FNTB: variants seen among roughly 807,000 people sequenced by gnomAD.
The protein encoded by FNTB is protein farnesyltransferase subunit beta.
FNTB carries 27 observed loss-of-function variants against 59.4 expected under a neutral mutation model. The observed-to-expected ratio is 0.45, with a 90% CI of 0.34 to 0.63. The LOEUF (loss-of-function observed/expected upper bound fraction) is 0.63. FNTB is among the 20% of genes least tolerant of loss of function. FNTB has a pLI of 0.02. For missense variants in FNTB, 449 were observed against 559.6 expected, an observed-to-expected ratio of 0.80 and a Z score of 1.99; for synonymous variants, 230 against 220.7, an observed-to-expected ratio of 1.04 and a Z score of -0.37.
intron 4 of FNTB, among the ~76,000 whole-genome samples, chr14:65,020,344 C>A (rs1313264650): frequency 6.6e-6 from 1 of 152,222 alleles, no homozygotes; most frequent in Non-Finnish European, 1.5e-5. Flanking sequence ...ATCTCCTGGG[C>A]TCAATTGATC....
Position 65,011,276 on chromosome 14 carries a change from A to C in FNTB, c.210-1041A>C, listed in dbSNP as rs1299278442. ...AACCCCCGTCTCCACTAAAAATACA[A>C]AAATTAGCTGGGTGTGGTGGCACGT... On this transcript the variant is annotated intron_variant, in intron 2 of 11. Coordinates refer to ENST00000246166, the MANE Select transcript of FNTB (RefSeq NM_002028.4). This position sits in a 1 kb window ranked among gnomAD's most constrained non-coding sequence, Gnocchi z 4.0. Among the ~76,000 whole-genome samples the C allele has an allele frequency of 6.6e-6, 1 of 152,142 alleles. No homozygotes were observed. Among genetic ancestry groups the C allele is most frequent in the Non-Finnish European group, 1.5e-5 (1 of 68,024 alleles).
Position 65,027,591 on chromosome 14 carries a change from CATT to C in FNTB, c.515_517del (p.Ile172del). On this transcript the variant is annotated inframe_deletion, in exon 5 of 12. Coordinates refer to ENST00000246166, the MANE Select transcript of FNTB (RefSeq NM_002028.4). The surrounding 1 kb of genome is among the most constrained non-coding windows in gnomAD (Gnocchi z 5.7). ...TTGGCACCGAGGAGGCCTATGACAT[CATT>C]AACAGGTACAGTGAAAGCCAGCAGT... is the stretch of plus-strand genomic sequence containing the variant. 6.2e-7 allele frequency: 1 copy of C among 1,614,130 alleles called. No individual in the cohort carries two copies.
rs563468928 is a variant in FNTB, at chr14:65,031,979, C to CGTGTGTGTGT, written c.606-600_606-591dup. On this transcript the variant is annotated intron_variant, in intron 6 of 11. Transcript: ENST00000246166. This position sits in a 1 kb window ranked among gnomAD's most constrained non-coding sequence, Gnocchi z 4.6. The stretch of plus-strand genomic sequence containing the variant: ...ATAGACGTGCGCCTTTTTCATTTAA[C>CGTGTGTGTGT]GTGTGTGTGTGTGTGTGTGTGTGTG... Among the ~76,000 whole-genome samples, 456 of 141,282 alleles carry CGTGTGTGTGT rather than the reference C, an allele frequency of 3.2e-3. 2 individuals carry two copies. The highest frequency in any genetic ancestry group is 0.011 in the Middle Eastern group (3 of 284). 92.7% of individuals were successfully genotyped at this position (141,282 alleles called of 152,430 possible).
Position 65,030,810 on chromosome 14 carries a change from T to A in FNTB, c.606-1800T>A, listed in dbSNP as rs1257587415. On this transcript the variant is annotated intron_variant, in intron 6 of 11. Transcript: ENST00000246166. This position sits in a 1 kb window ranked among gnomAD's most constrained non-coding sequence, Gnocchi z 4.5. ...TTAGGAGCCCTTAGGAATATACTTT[T>A]TGTTTGTTTTGTTTTGAGATGGAGT... 6.6e-6 allele frequency among the ~76,000 whole-genome samples: 1 copy of A among 152,062 alleles called. No homozygotes were observed. The highest frequency in any genetic ancestry group is 1.5e-5 in the Non-Finnish European group (1 of 67,998).
intron 9 of FNTB, among the ~76,000 whole-genome samples, chr14:65,045,155 T>G (rs2062447410): frequency 1.3e-5 from 2 of 152,112 alleles, no homozygotes; most frequent in Non-Finnish European, 2.9e-5. Context: ...AACCTCAGTC[T>G]GCCTGCTAAC....
In FNTB at chr14:65,047,596, GC is replaced by G. The variant is rs2062511980; in HGVS notation, c.955+3154del. 6.6e-6 allele frequency among the ~76,000 whole-genome samples: 1 copy of G among 152,096 alleles called. No individual in the cohort carries two copies. Among genetic ancestry groups the G allele is most frequent in the African/African-American group, 2.4e-5 (1 of 41,418 alleles). On this transcript the variant is annotated intron_variant, in intron 9 of 11. Coordinates refer to ENST00000246166, the MANE Select transcript of FNTB (RefSeq NM_002028.4). This position sits in a 1 kb window ranked among gnomAD's most constrained non-coding sequence, Gnocchi z 5.2. ...AATAGGTTAAGTCATTTTTTGGAGGGCAGTTTGGAGACATCCATTTAAATTA... is the reference window on the plus strand; with the variant it reads ...AATAGGTTAAGTCATTTTTTGGAGGGAGTTTGGAGACATCCATTTAAATTA...
chr14:65,008,731 CA>C (rs2061635858), intron 2 of FNTB, among the ~76,000 whole-genome samples: 1 of 152,208 alleles, frequency 6.6e-6, no homozygotes, highest in Non-Finnish European at 1.5e-5. Context: ...GACCAGAGCT[CA>C]GGGGCGGAGA....
At chr14:64,992,981 G>A (rs1309635777) in intron 1 of FNTB, among the ~76,000 whole-genome samples, 4 of 152,106 alleles carry the variant, frequency 2.6e-5, no homozygotes, top group Admixed American at 1.3e-4. Context: ...AACTACTGGC[G>A]TGCGCTACCA....
At chr14:64,998,190 A>G (rs1344824149) in intron 1 of FNTB, among the ~76,000 whole-genome samples, 3 of 152,260 alleles carry the variant, frequency 2.0e-5, no homozygotes, top group Non-Finnish European at 4.4e-5. Context: ...AACTTTGCGC[A>G]TCAACCTCTG....
At position 65,044,648 on chromosome 14, in the gene FNTB, T is replaced by G. The variant is rs1207968515; in HGVS notation, c.955+205T>G. On this transcript the variant is annotated intron_variant, in intron 9 of 11. Transcript: ENST00000246166. The surrounding 1 kb of genome is among the most constrained non-coding windows in gnomAD (Gnocchi z 5.5). ...CATTGGTTTAGTGTCATTCTTTGCTTCTTCAAATTGGCTGCGACAGAATGA... is the reference window on the plus strand; with the variant it reads ...CATTGGTTTAGTGTCATTCTTTGCTGCTTCAAATTGGCTGCGACAGAATGA... 1.9e-5 allele frequency: 15 copies of G among 775,640 alleles called. No homozygotes were observed. Among genetic ancestry groups the G allele is most frequent in the Non-Finnish European group, 1.9e-6 (1 of 532,476 alleles). 48.0% of individuals were successfully genotyped at this position (775,640 alleles called of 1,614,324 possible). A position where few individuals can be genotyped will look rare whatever the true frequency, so the allele number is the denominator to read the frequency against.
At position 65,015,743 on chromosome 14, in the gene FNTB, G is replaced by A. The variant is rs372403591; in HGVS notation, c.374+27G>A. On this transcript the variant is annotated intron_variant, in intron 4 of 11. Transcript: ENST00000246166. ...TGAGTCTGTCTTTGGGAAATCTGGGGTGTTCTCTGAAATTGTATTTTGAGT... is the reference window on the plus strand; with the variant it reads ...TGAGTCTGTCTTTGGGAAATCTGGGATGTTCTCTGAAATTGTATTTTGAGT... 7.5e-6 allele frequency: 12 copies of A among 1,606,872 alleles called. No individual in the cohort carries two copies. In the African/African-American group the frequency reaches 1.6e-4, roughly 22 times the overall value.
intron 11 of FNTB, among the ~76,000 whole-genome samples, chr14:65,056,743 G>GT (rs1330919191): frequency 6.6e-6 from 1 of 152,118 alleles, no homozygotes; most frequent in Non-Finnish European, 1.5e-5. Context: ...TCTTCTATCA[G>GT]TTACATGTGT....
At chr14:65,015,284 A>G (rs1215669395) in intron 3 of FNTB, among the ~76,000 whole-genome samples, 1 of 151,536 alleles carries the variant, frequency 6.6e-6, no homozygotes, top group Non-Finnish European at 1.5e-5. Flanking sequence ...TGTAATTTTA[A>G]TAGAGACAGG....
At chr14:64,998,530 T>C (rs1343736855) in intron 1 of FNTB, among the ~76,000 whole-genome samples, 1 of 152,244 alleles carries the variant, frequency 6.6e-6, no homozygotes, top group Non-Finnish European at 1.5e-5. Flanking sequence ...TGTAAGGTTG[T>C]GATGACCTTT....
intron 9 of FNTB, among the ~76,000 whole-genome samples, chr14:65,051,889 G>A (rs2062621557): frequency 1.3e-5 from 2 of 151,138 alleles, no homozygotes; most frequent in Admixed American, 1.3e-4. Context: ...CCGCCTCCTG[G>A]GTTCACGCCA....
chr14:65,045,887 G>C (rs890343387), intron 9 of FNTB, among the ~76,000 whole-genome samples: 2 of 152,358 alleles, frequency 1.3e-5, no homozygotes, highest in Non-Finnish European at 2.9e-5. Flanking sequence ...AACACAGCAA[G>C]TGCACTGTCA....
intron 1 of FNTB, among the ~76,000 whole-genome samples, chr14:64,998,101 T>C (rs992911130): frequency 6.6e-6 from 1 of 152,252 alleles, no homozygotes; most frequent in African/African-American, 2.4e-5. Flanking sequence ...TTGTTATCTT[T>C]GTTTATCCTT....
intron 1 of FNTB, among the ~76,000 whole-genome samples, chr14:64,999,210 T>C (rs55836818): frequency 0.13 from 19,256 of 151,966 alleles, 1,291 homozygotes; most frequent in Admixed American, 0.17. Flanking sequence ...GGCCAAGGCT[T>C]ATGGATCACT....
chr14:64,988,256 T>C (rs1178738988), intron 1 of FNTB, among the ~76,000 whole-genome samples: 2 of 152,178 alleles, frequency 1.3e-5, no homozygotes, highest in African/African-American at 4.8e-5. Context: ...CTCTCGAATC[T>C]AGCTAATTCT....
Sources: gnomAD v4.1 joint callset for allele counts (sites outside exome capture counted in the v4.1 genomes callset) on GRCh38, gnomAD v4.1.1 for gene constraint, Gnocchi (gnomAD v3.1) non-coding constraint, MANE v1.5 for transcripts, NCBI Gene and HGNC (gene_info 2026-07-23, HGNC 2026-07-21) for gene names.